PLA2R1: variants seen among roughly 807,000 people sequenced by gnomAD.
PLA2R1 encodes phospholipase A2 receptor 1.
Under a neutral mutation model 195.9 loss-of-function variants are expected in PLA2R1, and 158 were observed. That is an observed-to-expected ratio of 0.81 (90% confidence interval 0.71 to 0.92). PLA2R1 has a LOEUF of 0.92. Ranked by LOEUF, PLA2R1 falls within the 40% of genes least tolerant of loss-of-function variation. The probability of loss-of-function intolerance (pLI) is 0.00; values close to 1 mark genes in which losing one functional copy is unlikely to be tolerated. For missense variants in PLA2R1, 1,626 were observed against 1,764.6 expected, an observed-to-expected ratio of 0.92 and a Z score of 1.41; for synonymous variants, 586 against 598.2, an observed-to-expected ratio of 0.98 and a Z score of 0.30.
At chr2:159,968,460 C>T (rs1321461782) in intron 19 of PLA2R1, among the ~76,000 whole-genome samples, 1 of 152,164 alleles carries the variant, frequency 6.6e-6, no homozygotes, top group Admixed American at 6.6e-5. Context: ...CTCCCAGACG[C>T]TCAAAACAGT....
At chr2:159,974,886 G>C (rs1331486851) in intron 17 of PLA2R1, among the ~76,000 whole-genome samples, 2 of 152,094 alleles carry the variant, frequency 1.3e-5, no homozygotes, top group Non-Finnish European at 2.9e-5. Flanking sequence ...AAATCCCCAT[G>C]AACTGTGAGG....
At chr2:160,007,966 G>A (rs1174477685) in intron 10 of PLA2R1, among the ~76,000 whole-genome samples, 2 of 152,242 alleles carry the variant, frequency 1.3e-5, no homozygotes, top group Admixed American at 1.3e-4. Flanking sequence ...TTAGAGGTCT[G>A]ACACTTTTTG....
At chr2:160,024,703 C>A (rs2105486507) in intron 6 of PLA2R1, among the ~76,000 whole-genome samples, 1 of 152,248 alleles carries the variant, frequency 6.6e-6, no homozygotes. Context: ...GATGTGGTAC[C>A]CTGCATCCAA....
intron 20 of PLA2R1, among the ~76,000 whole-genome samples, chr2:159,963,892 T>C (rs367993385): frequency 6.6e-5 from 10 of 152,238 alleles, no homozygotes; most frequent in African/African-American, 2.4e-4. Flanking sequence ...TTCAAAAGAA[T>C]TGAAAATAGG....
intron 21 of PLA2R1, among the ~76,000 whole-genome samples, 167 bp from the exon 22 acceptor site, chr2:159,955,995 C>A (rs965955348): frequency 6.6e-6 from 1 of 152,180 alleles, no homozygotes; most frequent in Middle Eastern, 3.2e-3. Flanking sequence ...CAGTTTCTTT[C>A]ACTTTTGTTT....
chr2:159,931,702 AC>A (rs1461665842), downstream of PLA2R1, among the ~76,000 whole-genome samples: 8 of 151,966 alleles, frequency 5.3e-5, no homozygotes, highest in South Asian at 4.2e-4. Context: ...CACTCTACTA[AC>A]TTTTTTGTAT....
At chr2:159,926,566 G>A in the PLA2R1 span, among the ~76,000 whole-genome samples, 5 of 152,132 alleles carry the variant, frequency 3.3e-5, no homozygotes, top group Admixed American at 1.3e-4. Context: ...TGGAAAGTTG[G>A]GGGAAAAAAG....
intron 20 of PLA2R1, among the ~76,000 whole-genome samples, chr2:159,957,201 G>A (rs772585904): frequency 6.6e-6 from 1 of 152,158 alleles, no homozygotes; most frequent in African/African-American, 2.4e-5. Flanking sequence ...GCAAGGGTAT[G>A]ACCAAAGAAA....
intron 1 of PLA2R1, among the ~76,000 whole-genome samples, chr2:160,052,443 C>A (rs573571633): frequency 2.0e-5 from 3 of 152,218 alleles, no homozygotes; most frequent in Non-Finnish European, 4.4e-5. Flanking sequence ...TGTATCTTAC[C>A]AATGAATTTT....
chr2:159,955,657 C>G, intron 22 of PLA2R1, 41 bp downstream of exon 22: 1 of 1,146,186 alleles, frequency 8.7e-7, no homozygotes, highest in East Asian at 2.8e-5. Context: ...AATAAAATAT[C>G]TTGCCAAAGT....
At chr2:159,963,982 G>A (rs1189496949) in intron 20 of PLA2R1, among the ~76,000 whole-genome samples, 3 of 152,014 alleles carry the variant, frequency 2.0e-5, no homozygotes, top group East Asian at 1.9e-4. Flanking sequence ...ACCCAAGTGC[G>A]CATCAACAGA....
In PLA2R1 at chr2:160,044,887, T is replaced by C. The variant is rs747445680; in HGVS notation, c.380A>G (p.Gln127Arg). The C allele has an allele frequency of 4.3e-6, 7 of 1,614,228 alleles. No homozygotes were observed. Among genetic ancestry groups the C allele is most frequent in the Non-Finnish European group, 5.9e-6 (7 of 1,180,032 alleles). Residue 127 changes from glutamine to arginine, a missense_variant, in exon 2 of 30, where the codon CAG becomes CGG. By Grantham distance (43) the Gln-to-Arg change is conservative. Coordinates refer to ENST00000283243, the MANE Select transcript of PLA2R1 (RefSeq NM_007366.5). The part of the protein sequence containing the change: ...CNRKMITGPL[Q>R]YSVQVAHDNT... ...GTCATGCGCCACCTGGACAGAGTAC[T>C]GCAGCGGGCCTGTGATCATCTTCCT...
intron 24 of PLA2R1, among the ~76,000 whole-genome samples, chr2:159,950,506 C>G (rs1201485009): frequency 6.6e-6 from 1 of 152,086 alleles, no homozygotes; most frequent in African/African-American, 2.4e-5. Flanking sequence ...TGAGAAGAAC[C>G]CAAATGTCTA....
At chr2:160,021,921 G>A (rs897264839) in intron 7 of PLA2R1, among the ~76,000 whole-genome samples, 1 of 152,156 alleles carries the variant, frequency 6.6e-6, no homozygotes, top group African/African-American at 2.4e-5. Context: ...AAAGAGATGT[G>A]TAAGTGCCCT....
intron 6 of PLA2R1, 113 bp downstream of exon 6, chr2:160,028,105 C>T: frequency 3.1e-6 from 2 of 655,614 alleles, no homozygotes; most frequent in Non-Finnish European, 5.2e-6. Context: ...TAAATATAAA[C>T]TAGATTTAGC....
At chr2:159,993,306 T>C (rs1163066225) in intron 11 of PLA2R1, among the ~76,000 whole-genome samples, 1 of 152,132 alleles carries the variant, frequency 6.6e-6, no homozygotes, top group Non-Finnish European at 1.5e-5. Context: ...TGTTGCTTTT[T>C]ACTAAAAATA....
At chr2:160,031,939 G>A (rs527681027) in intron 4 of PLA2R1, among the ~76,000 whole-genome samples, 1 of 152,234 alleles carries the variant, frequency 6.6e-6, no homozygotes, top group African/African-American at 2.4e-5. Context: ...GCAAATTTTT[G>A]TATTTTTAGT....
rs541028786 is a variant in PLA2R1, at chr2:160,011,201, G to C, written c.1664+2062C>G. 7.9e-5 allele frequency among the ~76,000 whole-genome samples: 12 copies of C among 152,278 alleles called. No homozygotes were observed. In the South Asian group the frequency reaches 2.5e-3, roughly 32 times the overall value. On this transcript the variant is annotated intron_variant, in intron 10 of 29. Coordinates refer to ENST00000283243, the MANE Select transcript of PLA2R1 (RefSeq NM_007366.5). ...GTCATTTGTATGAGGTCCCCAAAGG[G>C]TTCATGGAATATGAAGCATTTGTTC...
chr2:160,025,802 C>T (rs1023963875), intron 6 of PLA2R1, among the ~76,000 whole-genome samples: 8 of 151,890 alleles, frequency 5.3e-5, no homozygotes, highest in Admixed American at 5.3e-4. Context: ...ACTCTGAATG[C>T]AAATGGATTA....
Sources: allele counts gnomAD v4.1 joint callset (sites outside exome capture counted in the v4.1 genomes callset), GRCh38; gene constraint gnomAD v4.1.1; transcripts MANE v1.5; gene names NCBI Gene and HGNC (gene_info 2026-07-23, HGNC 2026-07-21).